The following CYFIP1 variants were observed in gnomAD, a reference collection of about 807,000 sequenced individuals.
CYFIP1 encodes cytoplasmic FMR1 interacting protein 1.
In CYFIP1, 58 loss-of-function variants were observed where a neutral mutation model predicts 163.5. The observed-to-expected ratio is 0.35, with a 90% CI of 0.29 to 0.44. The LOEUF is 0.44. Among genes scored for constraint, CYFIP1 ranks in the 20% least tolerant of loss-of-function variants. The pLI, the probability that CYFIP1 is intolerant of heterozygous loss-of-function variation, is 1.00. For missense variants in CYFIP1, 1,338 were observed against 1,653.8 expected, an observed-to-expected ratio of 0.81 and a Z score of 3.31; for synonymous variants, 663 against 660.7, an observed-to-expected ratio of 1.00 and a Z score of -0.05.
Position 22,914,780 on chromosome 15 carries a change from A to G in CYFIP1, c.1931T>C (p.Met644Thr), listed in dbSNP as rs751240280. 2.5e-6 allele frequency: 4 copies of G among 1,613,812 alleles called. No individual in the cohort carries two copies. In the Admixed American group the frequency reaches 5.0e-5, roughly 20 times the overall value. Residue 644 changes from methionine to threonine, a missense_variant, in exon 17 of 31, where the codon ATG becomes ACG. Met to Thr is a moderately conservative substitution (Grantham distance 81). Around this residue, in one of 4 missense-constraint regions of CYFIP1, gnomAD observed 824 missense variants for 995.7 expected, o/e 0.83. Transcript: ENST00000617928. ...GATGTGGTCCGTCAGGATCCAGGGC[A>G]TCGACATCTCAATGGGGAACTGGAT... ...RRIQFPIEMS[M>T]PWILTDHILE...
chr15:22,971,967 G>A (rs1268802355), intron 1 of CYFIP1, among the ~76,000 whole-genome samples: 1 of 152,116 alleles, frequency 6.6e-6, no homozygotes, highest in African/African-American at 2.4e-5. Context: ...GCAATCTACA[G>A]ATTCAATGCA....
intron 6 of CYFIP1, among the ~76,000 whole-genome samples, chr15:22,940,036 C>T (rs2061846878): frequency 6.6e-6 from 1 of 152,170 alleles, no homozygotes; most frequent in Non-Finnish European, 1.5e-5. Flanking sequence ...TTTGTAGCTA[C>T]ACCCGTACGT....
At chr15:22,927,187 A>C (rs1401914689) in intron 12 of CYFIP1, among the ~76,000 whole-genome samples, 1 of 152,026 alleles carries the variant, frequency 6.6e-6, no homozygotes, top group East Asian at 1.9e-4. Context: ...AAACCAAAAA[A>C]CAAAAAACTA....
intron 13 of CYFIP1, among the ~76,000 whole-genome samples, chr15:22,924,045 T>C (rs2061280831): frequency 6.6e-6 from 1 of 150,884 alleles, no homozygotes; most frequent in Admixed American, 6.6e-5. Context: ...GATGGATGGA[T>C]AAATACAATG....
chr15:22,956,328 CCCTGAGT>C (rs1183551968), intron 1 of CYFIP1, among the ~76,000 whole-genome samples: 18 of 152,188 alleles, frequency 1.2e-4, no homozygotes, highest in African/African-American at 4.3e-4. Flanking sequence ...TAGGTCATAA[CCCTGAGT>C]CCTGGCATAA....
intron 1 of CYFIP1, among the ~76,000 whole-genome samples, chr15:22,958,758 G>A (rs999352276): frequency 6.6e-6 from 1 of 152,172 alleles, no homozygotes; most frequent in Non-Finnish European, 1.5e-5. Flanking sequence ...CGCTTTCACT[G>A]GCTCTCTCTG....
At chr15:22,873,427 C>T (rs1175149069) in intron 29 of CYFIP1, 64 bp downstream of exon 29, 12 of 1,380,350 alleles carry the variant, frequency 8.7e-6, no homozygotes, top group African/African-American at 1.4e-5. Context: ...GCCTAACACG[C>T]CTCCCCTCCC....
At chr15:22,921,077 TAACTAAA>T (rs2061160381) in intron 13 of CYFIP1, among the ~76,000 whole-genome samples, 1 of 151,812 alleles carries the variant, frequency 6.6e-6, no homozygotes. Context: ...CGAAGAAAAA[TAACTAAA>T]AGCACCCGGG....
chr15:22,907,712 A>G (rs2060631705), intron 21 of CYFIP1, among the ~76,000 whole-genome samples: 1 of 152,206 alleles, frequency 6.6e-6, no homozygotes, highest in Non-Finnish European at 1.5e-5. Context: ...TAAATCCTAA[A>G]GATTCAAAGG....
chr15:22,968,945 A>C (rs2062999504), intron 1 of CYFIP1, among the ~76,000 whole-genome samples: 1 of 152,160 alleles, frequency 6.6e-6, no homozygotes, highest in African/African-American at 2.4e-5. Context: ...CTGTGGGGCT[A>C]TGTGGTTCTT....
At chr15:22,944,837 G>A (rs752602299) in intron 4 of CYFIP1, 25 bp downstream of exon 4, 1 of 1,609,784 alleles carries the variant, frequency 6.2e-7, no homozygotes, top group South Asian at 1.1e-5. Flanking sequence ...GTGGCTGGAG[G>A]GGAAGAGCCA....
chr15:22,867,687 A>AT lies in CYFIP1; in HGVS notation c.*2340dup, dbSNP rs1555391566. On this transcript the variant is annotated 3_prime_UTR_variant, in exon 31 of 31. Transcript: ENST00000617928. ...ATAGAAGACTAGGGTTGTTTCTTAA[A>AT]TTTAGCTCATGTTATAATAAAAAGT... 3,960 of 152,576 alleles carry AT rather than the reference A, an allele frequency of 0.026. 160 individuals are homozygous for AT. Among genetic ancestry groups the AT allele is most frequent in the African/African-American group, 0.09 (3,750 of 41,520 alleles). The allele number at this position is 152,576 out of a possible 1,614,324, so 9.5% of individuals were successfully genotyped here.
intron 21 of CYFIP1, among the ~76,000 whole-genome samples, chr15:22,907,077 C>G (rs1274225655): frequency 6.6e-6 from 1 of 152,204 alleles, no homozygotes; most frequent in African/African-American, 2.4e-5. Context: ...ATGATCCTAA[C>G]CCTTACCAGC....
rs771108278 is a variant in CYFIP1, at chr15:22,914,714, C to T, written c.1985+12G>A. The T allele has an allele frequency of 6.9e-6, 11 of 1,603,256 alleles. No homozygotes were observed. The Admixed American group carries it at 8.5e-5, about 12-fold the overall frequency. On this transcript the variant is annotated intron_variant, in intron 17 of 30. Coordinates refer to ENST00000617928, the MANE Select transcript of CYFIP1 (RefSeq NM_014608.6). Reference sequence around the variant, plus strand: ...CACACAAAGGCTGGAGACAGGCCCGCAGGACACGCACTCCATCATCGATGC... The same window carrying T: ...CACACAAAGGCTGGAGACAGGCCCGTAGGACACGCACTCCATCATCGATGC...
chr15:22,879,964 C>A lies in CYFIP1; in HGVS notation c.2991G>T (p.Leu997=), dbSNP rs768319604. ...AELKTVCFQN[L]REVGNAILFC... is the part of the protein sequence containing the mutation. ...AGAGGATGGCGTTCCCCACCTCCCG[C>A]AGGTTCTGGAAGCACACCGTCTTCA... Residue 997 remains leucine, a synonymous_variant, in exon 26 of 31, where the codon CTG becomes CTT. Coordinates refer to ENST00000617928, the MANE Select transcript of CYFIP1 (RefSeq NM_014608.6). The A allele has an allele frequency of 1.2e-6, 2 of 1,613,896 alleles. No individual in the cohort carries two copies. Among genetic ancestry groups the A allele is most frequent in the Non-Finnish European group, 1.7e-6 (2 of 1,180,020 alleles).
At chr15:22,904,148 T>C in intron 21 of CYFIP1, 1 of 575,516 alleles carries the variant, frequency 1.7e-6, no homozygotes, top group South Asian at 2.0e-5. Context: ...ACCCCTGCTG[T>C]CCAGCACCCT....
intron 11 of CYFIP1, 137 bp downstream of exon 11, chr15:22,932,086 C>T: frequency 1.6e-6 from 1 of 628,782 alleles, no homozygotes; most frequent in East Asian, 2.9e-5. Flanking sequence ...TTTGTCAGAA[C>T]CTGTCCCTGT....
At chr15:22,946,855 G>C (rs749010286) in intron 3 of CYFIP1, 148 bp downstream of exon 3, 15 of 760,554 alleles carry the variant, frequency 2.0e-5, no homozygotes, top group African/African-American at 3.4e-5. Context: ...GAAAAGCAAA[G>C]ACTGTCTTAA....
At chr15:22,935,864 G>A (rs569501786) in intron 9 of CYFIP1, among the ~76,000 whole-genome samples, 2 of 152,292 alleles carry the variant, frequency 1.3e-5, no homozygotes, top group South Asian at 4.1e-4. Context: ...ATGTGTATGT[G>A]TATCAAAACA....
Sources: gnomAD v4.1 joint callset for allele counts (sites outside exome capture counted in the v4.1 genomes callset) on GRCh38, gnomAD v4.1.1 for gene constraint, gnomAD v4.1.1 regional missense constraint, MANE v1.5 for transcripts, NCBI Gene and HGNC (gene_info 2026-07-23, HGNC 2026-07-21) for gene names.